Variants in NINL observed in about 807,000 individuals in gnomAD.
NINL encodes the protein ninein-like protein.
Under a neutral mutation model 160.3 loss-of-function variants are expected in NINL, and 153 were observed. The observed-to-expected ratio is 0.95, with a 90% CI of 0.84 to 1.09. The LOEUF (loss-of-function observed/expected upper bound fraction) is 1.09, where lower values mean the gene tolerates loss of function less well. Among genes scored for constraint, NINL ranks in the 50% least tolerant of loss-of-function variants. NINL has a pLI of 0.00. For synonymous variants in NINL, 800 were observed against 734.8 expected, an observed-to-expected ratio of 1.09 and a Z score of -1.43; for missense variants, 1,829 against 1,764.0, an observed-to-expected ratio of 1.04 and a Z score of -0.66.
chr20:25,512,714 T>C, intron 4 of NINL, 120 bp downstream of exon 4: 1 of 1,277,286 alleles, frequency 7.8e-7, no homozygotes, highest in Non-Finnish European at 1.1e-6. Context: ...CGACTCAGGG[T>C]GCCTGAGACG....
chr20:25,515,697 T>G (rs978537143), intron 3 of NINL, among the ~76,000 whole-genome samples: 1 of 152,198 alleles, frequency 6.6e-6, no homozygotes, highest in East Asian at 1.9e-4. Context: ...GAGGCAGAAC[T>G]TCCCCCTTGC....
chr20:25,559,407 A>G (rs565362902), intron 1 of NINL, among the ~76,000 whole-genome samples: 1 of 151,982 alleles, frequency 6.6e-6, no homozygotes, highest in East Asian at 1.9e-4. Context: ...CACCCAACTA[A>G]TTTTTGTATT....
At chr20:25,505,339 G>GC (rs141428761) in intron 5 of NINL, among the ~76,000 whole-genome samples, 3,693 of 149,562 alleles carry the variant, frequency 0.025, 146 homozygotes, top group African/African-American at 0.086. Flanking sequence ...TGCTGGTTGG[G>GC]GGGGGGTCAC....
intron 1 of NINL, among the ~76,000 whole-genome samples, chr20:25,575,828 C>T (rs2065109395): frequency 6.6e-6 from 1 of 152,116 alleles, no homozygotes; most frequent in Non-Finnish European, 1.5e-5. Flanking sequence ...CGGCTGGCTT[C>T]ACCACCTGTT....
At chr20:25,459,920 G>A (rs1179413746) in intron 21 of NINL, among the ~76,000 whole-genome samples, 1 of 152,144 alleles carries the variant, frequency 6.6e-6, no homozygotes. Context: ...CTGGAAACAA[G>A]GACATTTGTG....
intron 21 of NINL, among the ~76,000 whole-genome samples, chr20:25,461,218 G>A (rs1452531790): frequency 1.3e-5 from 2 of 152,178 alleles, no homozygotes; most frequent in African/African-American, 4.8e-5. Flanking sequence ...TGGTTCTGAC[G>A]ACACAGTCCC....
chr20:25,534,769 A>G (rs114088473), intron 1 of NINL, among the ~76,000 whole-genome samples: 2,520 of 152,286 alleles, frequency 0.017, 73 homozygotes, highest in African/African-American at 0.058. Context: ...TACCAAAATC[A>G]CAGATGCTCA....
intron 14 of NINL, among the ~76,000 whole-genome samples, chr20:25,480,812 G>T (rs910561769): frequency 2.6e-5 from 4 of 152,206 alleles, no homozygotes; most frequent in Non-Finnish European, 5.9e-5. Context: ...GACGGGCAGG[G>T]AGGTGTGACA....
At chr20:25,484,514 G>A (rs2063468208) in intron 13 of NINL, among the ~76,000 whole-genome samples, 1 of 152,210 alleles carries the variant, frequency 6.6e-6, no homozygotes. Context: ...CCAACACTGC[G>A]GGGCATGCCG....
At chr20:25,508,666 G>A (rs1046657819) in intron 5 of NINL, among the ~76,000 whole-genome samples, 2 of 152,222 alleles carry the variant, frequency 1.3e-5, no homozygotes, top group African/African-American at 4.8e-5. Context: ...AACAGGGGGA[G>A]CTGGGGGGCG....
chr20:25,501,384 G>A (rs2063865004), intron 7 of NINL, among the ~76,000 whole-genome samples: 1 of 152,238 alleles, frequency 6.6e-6, no homozygotes, highest in Non-Finnish European at 1.5e-5. Flanking sequence ...CCTCGCAGAG[G>A]CAGGGGCCCA....
intron 10 of NINL, among the ~76,000 whole-genome samples, chr20:25,495,901 C>T (rs1001321403): frequency 9.2e-5 from 14 of 152,210 alleles, no homozygotes; most frequent in African/African-American, 3.1e-4. Flanking sequence ...ATTCCCAGCA[C>T]TTTGGGAGGC....
intron 1 of NINL, among the ~76,000 whole-genome samples, chr20:25,557,271 C>T (rs369058664): frequency 6.6e-6 from 1 of 152,130 alleles, no homozygotes; most frequent in African/African-American, 2.4e-5. Flanking sequence ...TGGCTCACAC[C>T]TGTAATCCTA....
intron 1 of NINL, among the ~76,000 whole-genome samples, chr20:25,545,025 C>A (rs573756123): frequency 6.6e-6 from 1 of 152,306 alleles, no homozygotes; most frequent in Admixed American, 6.5e-5. Context: ...ACCCTCAGGG[C>A]CTATTAAGCA....
At chr20:25,564,336 A>G (rs1010568828) in intron 1 of NINL, among the ~76,000 whole-genome samples, 1 of 151,734 alleles carries the variant, frequency 6.6e-6, no homozygotes, top group African/African-American at 2.4e-5. Flanking sequence ...TGTTTTTTTG[A>G]GACAGAGTTT....
intron 5 of NINL, chr20:25,509,773 T>C: frequency 2.2e-6 from 1 of 453,300 alleles, no homozygotes; most frequent in Non-Finnish European, 4.4e-6. Context: ...GTGTTGGTCT[T>C]TTCTATCCAA....
intron 14 of NINL, 49 bp downstream of exon 14, chr20:25,481,919 T>G: frequency 6.3e-7 from 1 of 1,576,898 alleles, no homozygotes; most frequent in African/African-American, 1.3e-5. Flanking sequence ...TGGGCCTTGT[T>G]GTCAACAGCA....
intron 1 of NINL, among the ~76,000 whole-genome samples, chr20:25,531,354 C>T (rs1202089696): frequency 6.6e-6 from 1 of 152,170 alleles, no homozygotes; most frequent in African/African-American, 2.4e-5. Flanking sequence ...GACATACACC[C>T]TCCTCAGCTT....
chr20:25,541,731 T>C (rs1410443978), intron 1 of NINL, among the ~76,000 whole-genome samples: 1 of 152,168 alleles, frequency 6.6e-6, no homozygotes, highest in Admixed American at 6.5e-5. Context: ...CTAACATAAA[T>C]CTACTGTAAA....
Sources: gnomAD v4.1 joint callset for allele counts (sites outside exome capture counted in the v4.1 genomes callset) on GRCh38, gnomAD v4.1.1 for gene constraint, MANE v1.5 for transcripts, NCBI Gene and HGNC (gene_info 2026-07-23, HGNC 2026-07-21) for gene names.